ARHGAP42: variants seen among roughly 807,000 people sequenced by gnomAD.
ARHGAP42 encodes the protein rho GTPase-activating protein 42.
Under a neutral mutation model 125.0 loss-of-function variants are expected in ARHGAP42, and 63 were observed. The ratio of observed to expected loss-of-function variants is 0.50; its 90% CI spans 0.41 to 0.62. The LOEUF (loss-of-function observed/expected upper bound fraction) is 0.62. ARHGAP42 is among the 20% of genes least tolerant of loss of function. ARHGAP42 has a pLI of 0.00. For synonymous variants in ARHGAP42, 339 were observed against 351.0 expected (o/e 0.97, Z 0.38); for missense variants, 766 against 1,024.2 (o/e 0.75, Z 3.44).
intron 1 of ARHGAP42, among the ~76,000 whole-genome samples, chr11:100,758,440 TA>T (rs149919285): frequency 0.055 from 8,431 of 152,258 alleles, 441 homozygotes; most frequent in East Asian, 0.26. Context: ...AAAATGCACT[TA>T]AGTAAATGAT....
chr11:100,980,559 C>CTTCTTCTTTTTTTTTTTTTTTTTTT (rs1555037006), intron 22 of ARHGAP42, among the ~76,000 whole-genome samples: 1 of 51,962 alleles, frequency 1.9e-5, no homozygotes, highest in Non-Finnish European at 3.8e-5. Flanking sequence ...TTTTCTTCTT[C>CTTCTTCTTTTTTTTTTTTTTTTTTT]TTTTTTTTTT....
chr11:100,915,712 A>G (rs753993791), intron 5 of ARHGAP42, among the ~76,000 whole-genome samples: 1 of 152,094 alleles, frequency 6.6e-6, no homozygotes, highest in Non-Finnish European at 1.5e-5. Context: ...GCATAGTAAC[A>G]TCCTCTCCCC....
At chr11:100,769,028 C>T (rs541021094) in intron 1 of ARHGAP42, among the ~76,000 whole-genome samples, 2 of 152,258 alleles carry the variant, frequency 1.3e-5, no homozygotes, top group African/African-American at 4.8e-5. Flanking sequence ...TAGGCTATCC[C>T]ACCTAGGCTA....
chr11:100,985,391 G>T (rs899484185), intron 22 of ARHGAP42, among the ~76,000 whole-genome samples: 1 of 152,010 alleles, frequency 6.6e-6, no homozygotes, highest in Admixed American at 6.6e-5. Flanking sequence ...TTAGGAAAAT[G>T]GTTCTGAAGT....
intron 4 of ARHGAP42, among the ~76,000 whole-genome samples, chr11:100,908,386 A>T (rs1486606027): frequency 6.6e-6 from 1 of 152,154 alleles, no homozygotes; most frequent in Admixed American, 6.5e-5. Context: ...GTAATGTTTC[A>T]TCCTTCACCT....
chr11:100,699,399 TTC>T (rs1861350927), intron 1 of ARHGAP42, among the ~76,000 whole-genome samples: 1 of 149,680 alleles, frequency 6.7e-6, no homozygotes, highest in East Asian at 1.9e-4. Context: ...AAATTTGATT[TTC>T]TCTGTCTGCA....
chr11:100,901,138 C>T (rs949353910), intron 4 of ARHGAP42, among the ~76,000 whole-genome samples: 2 of 152,190 alleles, frequency 1.3e-5, no homozygotes. Flanking sequence ...TTCCTTCTAA[C>T]AGTCAAGTCC....
At chr11:100,952,337 T>G (rs998575315) in intron 12 of ARHGAP42, among the ~76,000 whole-genome samples, 1 of 152,172 alleles carries the variant, frequency 6.6e-6, no homozygotes, top group Admixed American at 6.6e-5. Flanking sequence ...TAGACTGATT[T>G]GTGATCCTGA....
At chr11:100,914,666 A>G in intron 5 of ARHGAP42, among the ~76,000 whole-genome samples, 1 of 152,150 alleles carries the variant, frequency 6.6e-6, no homozygotes, top group East Asian at 1.9e-4. Flanking sequence ...GGGAACCGTG[A>G]GGTCTCCTTT....
intron 1 of ARHGAP42, among the ~76,000 whole-genome samples, chr11:100,740,590 G>T (rs1862163574): frequency 6.6e-6 from 1 of 152,216 alleles, no homozygotes; most frequent in Non-Finnish European, 1.5e-5. Flanking sequence ...AGGGGGAGGA[G>T]AATGGAATGT....
At chr11:100,874,399 C>A (rs945777220) in intron 4 of ARHGAP42, among the ~76,000 whole-genome samples, 1 of 152,172 alleles carries the variant, frequency 6.6e-6, no homozygotes, top group African/African-American at 2.4e-5. Flanking sequence ...CAGACCATAG[C>A]AGTGATAAAT....
chr11:100,796,306 T>A (rs1863712338), intron 3 of ARHGAP42, among the ~76,000 whole-genome samples: 1 of 152,228 alleles, frequency 6.6e-6, no homozygotes, highest in Admixed American at 6.5e-5. Context: ...ACATAATAAA[T>A]GGTGAGTGTG....
intron 22 of ARHGAP42, among the ~76,000 whole-genome samples, chr11:100,983,688 A>AAT (rs1182896371): frequency 3.3e-5 from 5 of 152,190 alleles, no homozygotes; most frequent in African/African-American, 1.2e-4. Flanking sequence ...ATGGAATTGC[A>AAT]ATATATATGT....
intron 6 of ARHGAP42, among the ~76,000 whole-genome samples, chr11:100,922,998 C>T (rs545951758): frequency 1.3e-5 from 2 of 152,200 alleles, no homozygotes; most frequent in African/African-American, 4.8e-5. Context: ...ATCCTTAAAT[C>T]CCCTAGCATT....
chr11:100,941,693 C>A (rs907466150), intron 8 of ARHGAP42, 91 bp from the exon 9 acceptor site: 3 of 686,890 alleles, frequency 4.4e-6, no homozygotes, highest in African/African-American at 1.9e-5. Context: ...GAGAGATAAT[C>A]GGTTGTATAT....
At chr11:100,697,089 C>T (rs1350244714) in intron 1 of ARHGAP42, among the ~76,000 whole-genome samples, 2 of 151,946 alleles carry the variant, frequency 1.3e-5, no homozygotes, top group African/African-American at 4.8e-5. Context: ...TGGCTTTACT[C>T]TGGAAAAAAG....
chr11:100,907,846 T>C (rs759848758), intron 4 of ARHGAP42, among the ~76,000 whole-genome samples: 1 of 152,172 alleles, frequency 6.6e-6, no homozygotes, highest in African/African-American at 2.4e-5. Flanking sequence ...CCTAGCACCA[T>C]GATAATTTAT....
At chr11:100,741,191 T>C (rs1591141613) in intron 1 of ARHGAP42, among the ~76,000 whole-genome samples, 2 of 152,046 alleles carry the variant, frequency 1.3e-5, no homozygotes, top group Admixed American at 1.3e-4. Flanking sequence ...CCACCACGCC[T>C]GGCTAATTTT....
chr11:100,859,339 G>C (rs555002254), intron 3 of ARHGAP42: 2 of 411,596 alleles, frequency 4.9e-6, no homozygotes, highest in Admixed American at 4.5e-5. Flanking sequence ...ACTTATTTTC[G>C]TATTTTTCAC....
Sources: allele counts gnomAD v4.1 joint callset (sites outside exome capture counted in the v4.1 genomes callset), GRCh38; gene constraint gnomAD v4.1.1; transcripts MANE v1.5; gene names NCBI Gene and HGNC (gene_info 2026-07-23, HGNC 2026-07-21).